The following SLC49A3 variants were observed in gnomAD, a reference collection of about 807,000 sequenced individuals.
SLC49A3 encodes solute carrier family 49 member 3.
SLC49A3 carries 50 observed loss-of-function variants against 43.8 expected under a neutral mutation model. That is an observed-to-expected ratio of 1.14 (90% CI 0.91 to 1.45). The LOEUF (loss-of-function observed/expected upper bound fraction) is 1.45. SLC49A3 is among the 40% of genes most tolerant of loss of function. The pLI is 0.00. For synonymous variants in SLC49A3, 413 were observed against 352.0 expected (o/e 1.17, Z -1.94); for missense variants, 906 against 774.1 (o/e 1.17, Z -2.02).
Position 686,119 on chromosome 4 carries a change from G to A in SLC49A3, c.478C>T (p.Arg160Ter), listed in dbSNP as rs751116319. ...GTGGCGAGCATGTTGGCCGTGGCTC[G>A]CTGGTGCTCTGGGAACCACAAGGCA... ...LAALWFPEHQ[R>*]ATANMLATMS... Residue 160 changes from arginine (R) to a stop codon, truncating the protein, a stop_gained, in exon 3 of 10, where the codon CGA becomes TGA. Coordinates refer to ENST00000322224, the MANE Select transcript of SLC49A3 (RefSeq NM_032219.4). LOFTEE classifies it high-confidence loss of function. The A allele has an allele frequency of 2.2e-5, 36 of 1,612,888 alleles. No homozygotes were observed. The highest frequency in any genetic ancestry group is 2.1e-4 in the African/African-American group (16 of 74,916).
At chr4:682,452 T>C in intron 9 of SLC49A3, 76 bp from the exon 10 acceptor site, 1 of 1,282,972 alleles carries the variant, frequency 7.8e-7, no homozygotes, top group East Asian at 2.9e-5. Flanking sequence ...TGCTGGCCTA[T>C]GGTGACCCCA....
Position 682,249 on chromosome 4 carries a change from G to C in SLC49A3, c.1389C>G (p.Gly463=). Residue 463 remains glycine (G), a synonymous_variant, in exon 10 of 10, where the codon GGC becomes GGG. Transcript: ENST00000322224. ...GEPPSTRNAV[G]GADSGPGVDR... ...CCACACCCGGCCCTGAGTCTGCGCC[G>C]CCCACGGCGTTACGGGTGGAGGGGG... The C allele has an allele frequency of 7.2e-7, 1 of 1,381,894 alleles. No homozygotes were observed. Among genetic ancestry groups the C allele is most frequent in the South Asian group, 1.8e-5 (1 of 55,528 alleles). The allele number at this position is 1,381,894 out of a possible 1,614,324, so 85.6% of individuals were successfully genotyped here.
rs938808533 is a variant in SLC49A3, at chr4:686,303, C to G, written c.295-1G>C. 3.7e-6 allele frequency: 6 copies of G among 1,612,834 alleles called. No homozygotes were observed. In the African/African-American group the frequency reaches 8.0e-5, roughly 22 times the overall value. ...AGTTCAGCCACGCACCCAGGATGGT[C>G]TGCGAGGAGGGGGTCGGGGACCGGG... On this transcript the variant is annotated splice_acceptor_variant, in intron 2 of 9. Transcript: ENST00000322224. LOFTEE classifies it high-confidence loss of function.
intron 1 of SLC49A3, among the ~76,000 whole-genome samples, chr4:687,526 G>A (rs1027401039): frequency 3.3e-5 from 5 of 152,184 alleles, no homozygotes; most frequent in South Asian, 2.1e-4. Flanking sequence ...CTGCCTGGCC[G>A]AGCCCGGGAG....
At chr4:681,611 TCCA>T (rs1269232790), downstream of SLC49A3, among the ~76,000 whole-genome samples, 215 of 6,456 alleles carry the variant, frequency 0.033, 24 homozygotes, top group African/African-American at 0.049. Flanking sequence ...CCCCGCCCCC[TCCA>T]GCGCCGCCCC....
downstream of SLC49A3, among the ~76,000 whole-genome samples, chr4:677,167 G>A (rs1738926807): frequency 6.6e-6 from 1 of 152,168 alleles, no homozygotes; most frequent in Admixed American, 6.5e-5. Context: ...AGGCCTGGGG[G>A]GCTCCAAAAG....
At position 685,705 on chromosome 4, in the gene SLC49A3, C is replaced by T. The variant is rs1740858502; in HGVS notation, c.585+130G>A. On this transcript the variant is annotated intron_variant, in intron 4 of 9. Transcript: ENST00000322224. This position sits in a 1 kb window ranked among gnomAD's most constrained non-coding sequence, Gnocchi z 4.3. ...TGAGCGACAGGCTGAGACTCCTTCT[C>T]GGGTGGCGGGGCGGGGGACGGGAAT... 4.2e-6 allele frequency: 4 copies of T among 949,114 alleles called. No homozygotes were observed. The East Asian group carries it at 7.9e-5, about 19-fold the overall frequency. The allele number at this position is 949,114 out of a possible 1,614,324, so 58.8% of individuals were successfully genotyped here. A position where few individuals can be genotyped will look rare whatever the true frequency, so the allele number is the denominator to read the frequency against.
At chr4:686,508 G>A in intron 2 of SLC49A3, 24 bp downstream of exon 2, 3 of 1,608,814 alleles carry the variant, frequency 1.9e-6, no homozygotes, top group Non-Finnish European at 2.5e-6. Context: ...CCCGGAGCGG[G>A]CCATGGTGTG....
In SLC49A3 at chr4:685,717, C is replaced by CG. The variant is rs1740865508; in HGVS notation, c.585+117dup. On this transcript the variant is annotated intron_variant, in intron 4 of 9. Coordinates refer to ENST00000322224, the MANE Select transcript of SLC49A3 (RefSeq NM_032219.4). This position sits in a 1 kb window ranked among gnomAD's most constrained non-coding sequence, Gnocchi z 4.3. ...TGAGACTCCTTCTCGGGTGGCGGGG[C>CG]GGGGGACGGGAATCACACACGGGCA... is the stretch of plus-strand genomic sequence containing the variant. 9.3e-7 allele frequency: 1 copy of CG among 1,080,156 alleles called. No individual in the cohort carries two copies. Among genetic ancestry groups the CG allele is most frequent in the Non-Finnish European group, 1.4e-6 (1 of 730,892 alleles). The allele number at this position is 1,080,156 out of a possible 1,614,324, so 66.9% of individuals were successfully genotyped here.
At chr4:678,157 TCTGC>T, downstream of SLC49A3, 1 of 1,545,752 alleles carries the variant, frequency 6.5e-7, no homozygotes, top group Non-Finnish European at 8.7e-7. Flanking sequence ...GGGCGTGTGC[TCTGC>T]CTGCATATGT....
chr4:689,491 C>G (rs1218336326), upstream of SLC49A3: 4 of 172,728 alleles, frequency 2.3e-5, no homozygotes, highest in Non-Finnish European at 4.9e-5. Flanking sequence ...CTCTGCACTT[C>G]CTGAAGGGGG....
downstream of SLC49A3, chr4:681,254 A>T (rs1236743588): frequency 1.2e-5 from 15 of 1,286,230 alleles, no homozygotes; most frequent in Admixed American, 8.2e-5. Context: ...AGGACCCAGG[A>T]CAGAACAGGC....
chr4:686,668 A>G lies in SLC49A3; in HGVS notation c.158T>C (p.Val53Ala). ...NATLWLSFAP[V>A]ADVIAEDLVL... ...CAAGTCCTCAGCAATGACGTCAGCC[A>G]CAGGTGCAAAGCTGAGCCACAGCTG... is the stretch of plus-strand genomic sequence containing the variant. The change falls in exon 2 of 10, where the codon GTG becomes GCG. Residue 53 changes from valine (V) to alanine (A), a missense_variant. Transcript: ENST00000322224. 1 of 1,613,088 alleles carries G rather than the reference A, an allele frequency of 6.2e-7. No homozygotes were observed.
intron 6 of SLC49A3, among the ~76,000 whole-genome samples, chr4:684,089 G>A (rs1451580035): frequency 6.6e-6 from 1 of 152,258 alleles, no homozygotes; most frequent in East Asian, 1.9e-4. Context: ...AGAGGGCAGA[G>A]GGCCAGCTCG....
At chr4:681,725 G>GC (rs1194856387), downstream of SLC49A3, 2 of 249,738 alleles carry the variant, frequency 8.0e-6, no homozygotes, top group African/African-American at 7.1e-5. Flanking sequence ...GCGCCGCCCC[G>GC]CCCCCTCCAG....
downstream of SLC49A3, chr4:680,682 C>G: frequency 2.5e-6 from 3 of 1,215,568 alleles, no homozygotes; most frequent in Non-Finnish European, 3.6e-6. Flanking sequence ...AGATGCCACG[C>G]CCACCTCCCC....
chr4:685,814 G>A lies in SLC49A3; in HGVS notation c.585+21C>T, dbSNP rs138461801. The A allele has an allele frequency of 1.7e-5, 27 of 1,612,946 alleles. No homozygotes were observed. Among genetic ancestry groups the A allele is most frequent in the Middle Eastern group, 1.6e-4 (1 of 6,082 alleles). On this transcript the variant is annotated intron_variant, in intron 4 of 9. Transcript: ENST00000322224. This position sits in a 1 kb window ranked among gnomAD's most constrained non-coding sequence, Gnocchi z 4.3. ...CGCACACACCACACAGACCAGGCAC[G>A]GGCGTCTCATGACCCCTCACCATTA...
At chr4:683,144 CA>C in intron 8 of SLC49A3, 65 bp downstream of exon 8, 1 of 1,601,542 alleles carries the variant, frequency 6.2e-7, no homozygotes, top group Non-Finnish European at 8.5e-7. Flanking sequence ...GGTGCAACCC[CA>C]GGGGTGTAGG....
At chr4:681,796 C>T, downstream of SLC49A3, 2 of 1,240,940 alleles carry the variant, frequency 1.6e-6, no homozygotes, top group Admixed American at 4.2e-5. Flanking sequence ...CCCGCTCCCC[C>T]TCCCGCGGCG....
Sources: allele counts gnomAD v4.1 joint callset (sites outside exome capture counted in the v4.1 genomes callset), GRCh38; gene constraint gnomAD v4.1.1; non-coding constraint Gnocchi (gnomAD v3.1); transcripts MANE v1.5; gene names NCBI Gene and HGNC (gene_info 2026-07-23, HGNC 2026-07-21).